AGMO: variants seen among roughly 807,000 people sequenced by gnomAD.
The protein encoded by AGMO is glyceryl-ether monooxygenase.
Under a neutral mutation model 60.2 loss-of-function variants are expected in AGMO, and 75 were observed. The observed-to-expected ratio is 1.25, with a 90% CI of 1.03 to 1.51. AGMO has a LOEUF of 1.51. Ranked by LOEUF, AGMO falls within the 40% of genes most tolerant of loss-of-function variation. The pLI is 0.00. For synonymous variants in AGMO, 261 were observed against 177.1 expected (o/e 1.47, Z -3.76); for missense variants, 763 against 525.5 (o/e 1.45, Z -4.42).
At chr7:15,170,148 G>T in the AGMO span, among the ~76,000 whole-genome samples, 1 of 152,362 alleles carries the variant, frequency 6.6e-6, no homozygotes, top group South Asian at 2.1e-4. Context: ...CTGACCAGGG[G>T]TGAGCAAACC....
intron 12 of AGMO, among the ~76,000 whole-genome samples, chr7:15,282,361 A>C (rs764305387): frequency 9.2e-5 from 14 of 152,088 alleles, no homozygotes; most frequent in Non-Finnish European, 2.1e-4. Flanking sequence ...ATTTATAAAG[A>C]GATAGATATT....
In AGMO at chr7:15,493,365, CTTT is replaced by C. The variant is rs71004387; in HGVS notation, c.409+51404_409+51406del. Among the ~76,000 whole-genome samples the C allele has an allele frequency of 2.1e-4, 14 of 66,642 alleles. 4 individuals are homozygous for C. The highest frequency in any genetic ancestry group is 1.1e-3 in the Admixed American group (6 of 5,368). The allele number at this position is 66,642 out of a possible 152,430, so 43.7% of individuals were successfully genotyped here. On this transcript the variant is annotated intron_variant, in intron 3 of 12. Coordinates refer to ENST00000342526, the MANE Select transcript of AGMO (RefSeq NM_001004320.2). ...CACACACACACACACACACACACTT[CTTT>C]TTTTTTTTTTTTTTTTTTTTTTTGA...
At chr7:15,234,513 G>A (rs568272047) in intron 12 of AGMO, among the ~76,000 whole-genome samples, 106 of 152,236 alleles carry the variant, frequency 7.0e-4, no homozygotes, top group African/African-American at 2.4e-3. Context: ...ACACACCCAC[G>A]TTTAAAACCC....
At chr7:15,550,939 T>A (rs1448286142) in intron 2 of AGMO, among the ~76,000 whole-genome samples, 17 of 135,684 alleles carry the variant, frequency 1.3e-4, no homozygotes, top group African/African-American at 4.9e-4. Flanking sequence ...GCAAACCGAA[T>A]CCAGCAGCAC....
At chr7:15,313,759 A>G (rs1780834203) in intron 12 of AGMO, among the ~76,000 whole-genome samples, 1 of 152,170 alleles carries the variant, frequency 6.6e-6, no homozygotes, top group Admixed American at 6.5e-5. Flanking sequence ...CTACACATAC[A>G]TGCCTATGAT....
At chr7:15,360,091 A>G (rs182278566) in intron 12 of AGMO, among the ~76,000 whole-genome samples, 11 of 152,330 alleles carry the variant, frequency 7.2e-5, no homozygotes, top group African/African-American at 1.2e-4. Context: ...AGACATTATT[A>G]TAAGTACTTT....
At chr7:15,156,600 G>C in the AGMO span, among the ~76,000 whole-genome samples, 3 of 152,188 alleles carry the variant, frequency 2.0e-5, no homozygotes, top group Non-Finnish European at 2.9e-5. Context: ...GGAGGTCAAT[G>C]ATGAGAGTAA....
At chr7:15,157,555 AACCCCGATCCCACACTCCC>A in the AGMO span, among the ~76,000 whole-genome samples, 5 of 152,108 alleles carry the variant, frequency 3.3e-5, no homozygotes, top group African/African-American at 1.2e-4. Flanking sequence ...ATAAACAGTG[AACCCCGATCCCACACTCCC>A]ACCCCTGTAG....
intron 12 of AGMO, among the ~76,000 whole-genome samples, chr7:15,266,416 T>A (rs1783434031): frequency 6.6e-6 from 1 of 152,052 alleles, no homozygotes; most frequent in Non-Finnish European, 1.5e-5. Flanking sequence ...AAAAGTAATT[T>A]TAACAACTTC....
chr7:15,513,746 T>C (rs929087127), intron 3 of AGMO, among the ~76,000 whole-genome samples: 3 of 152,198 alleles, frequency 2.0e-5, no homozygotes, highest in African/African-American at 4.8e-5. Context: ...TTATTTTTCA[T>C]CCAAGAGTTT....
intron 5 of AGMO, chr7:15,396,576 G>T (rs552602067): frequency 2.0e-5 from 3 of 152,232 alleles, no homozygotes; most frequent in Admixed American, 6.5e-5. Flanking sequence ...ACAGCTTGCC[G>T]CTCCTTGCTT....
At chr7:15,140,029 G>A in the AGMO span, among the ~76,000 whole-genome samples, 1 of 150,576 alleles carries the variant, frequency 6.6e-6, no homozygotes, top group Non-Finnish European at 1.5e-5. Flanking sequence ...GAGGAGATTT[G>A]AACTTGGCAA....
chr7:15,372,968 ATC>A (rs904260125), intron 10 of AGMO, among the ~76,000 whole-genome samples: 1 of 152,164 alleles, frequency 6.6e-6, no homozygotes, highest in African/African-American at 2.4e-5. Flanking sequence ...TTTAAAAATT[ATC>A]TGTCAAGTTT....
chr7:15,202,048 A>G (rs1306552893), intron 12 of AGMO, among the ~76,000 whole-genome samples: 1 of 152,072 alleles, frequency 6.6e-6, no homozygotes, highest in Non-Finnish European at 1.5e-5. Context: ...GACAATTAAA[A>G]CTATAGGATT....
At chr7:15,361,621 AAAAG>A (rs931817631) in intron 12 of AGMO, among the ~76,000 whole-genome samples, 19 of 151,956 alleles carry the variant, frequency 1.3e-4, no homozygotes, top group South Asian at 1.2e-3. Context: ...CAAATTAAAA[AAAAG>A]AAAGAGAGAG....
At chr7:15,312,674 A>G (rs1780801944) in intron 12 of AGMO, among the ~76,000 whole-genome samples, 2 of 152,042 alleles carry the variant, frequency 1.3e-5, no homozygotes, top group African/African-American at 2.4e-5. Context: ...TCAGACACTC[A>G]CTAAAAGAAT....
At chr7:15,425,007 G>A (rs910958742) in intron 4 of AGMO, among the ~76,000 whole-genome samples, 2 of 152,108 alleles carry the variant, frequency 1.3e-5, no homozygotes, top group Admixed American at 6.6e-5. Context: ...TTTCACTAAG[G>A]TTTCTCTGCA....
chr7:15,515,163 G>A (rs964673207), intron 3 of AGMO, among the ~76,000 whole-genome samples: 2 of 152,150 alleles, frequency 1.3e-5, no homozygotes, highest in African/African-American at 4.8e-5. Flanking sequence ...CTTTCAATGT[G>A]AGGAATCACT....
At chr7:15,553,682 G>T (rs1197482299) in intron 2 of AGMO, among the ~76,000 whole-genome samples, 2 of 151,842 alleles carry the variant, frequency 1.3e-5, no homozygotes, top group Non-Finnish European at 2.9e-5. Context: ...ACAGACTGAA[G>T]GTCCTAGAAA....
Sources: gnomAD v4.1 joint callset for allele counts (sites outside exome capture counted in the v4.1 genomes callset) on GRCh38, gnomAD v4.1.1 for gene constraint, MANE v1.5 for transcripts, NCBI Gene and HGNC (gene_info 2026-07-23, HGNC 2026-07-21) for gene names.